Variants in ULBP2 observed in about 807,000 individuals in gnomAD.
ULBP2 encodes the protein UL16 binding protein 2, also known as UL16-binding protein 2.
A neutral mutation model predicts 23.6 loss-of-function variants in ULBP2; 21 were observed. The ratio of observed to expected loss-of-function variants is 0.89; its 90% CI spans 0.63 to 1.28. The LOEUF (loss-of-function observed/expected upper bound fraction) is 1.28, where lower values mean the gene tolerates loss of function less well. Ranked by LOEUF, ULBP2 falls within the 50% of genes most tolerant of loss-of-function variation. ULBP2 has a pLI of 0.00. For missense variants in ULBP2, 251 were observed against 306.0 expected (o/e 0.82, Z 1.34); for synonymous variants, 82 against 112.8 (o/e 0.73, Z 1.73).
Position 149,949,040 on chromosome 6 carries a change from T to A in ULBP2, c.*340T>A, listed in dbSNP as rs1286609975. 1.6e-5 allele frequency: 3 copies of A among 192,948 alleles called. No homozygotes were observed. The highest frequency in any genetic ancestry group is 4.7e-5 in the African/African-American group (2 of 42,170). 12.0% of individuals were successfully genotyped at this position (192,948 alleles called of 1,614,324 possible). ...TTGGAAAATCAAGTACTTCTTTGAA[T>A]GATGATCTCTTTCTTGCAAATGATA... On this transcript the variant is annotated 3_prime_UTR_variant, in exon 5 of 5. Coordinates refer to ENST00000367351, the MANE Select transcript of ULBP2 (RefSeq NM_025217.4).
At chr6:149,945,940 C>CCA (rs1491163493) in intron 2 of ULBP2, among the ~76,000 whole-genome samples, 6 of 72,732 alleles carry the variant, frequency 8.2e-5, no homozygotes, top group Non-Finnish European at 1.5e-4. Context: ...GACTTTGTCT[C>CCA]AAAAAAAAAA....
chr6:149,942,139 T>C lies in ULBP2; in HGVS notation c.67T>C (p.Ser23Pro). The C allele has an allele frequency of 6.2e-7, 1 of 1,609,340 alleles. No homozygotes were observed. Among genetic ancestry groups the C allele is most frequent in the Non-Finnish European group, 8.5e-7 (1 of 1,178,588 alleles). Reference protein sequence around the residue: ...LPLLLLLSGWSRAGRADPHSL... With the variant: ...LPLLLLLSGWPRAGRADPHSL... ...GCTTCTGCTCCTGCTGTCCGGCTGG[T>C]CCCGGGCTGGGCGAGCCGGTGAGTT... Residue 23 changes from serine to proline, a missense_variant, in exon 1 of 5, where the codon TCC becomes CCC. This residue lies in a region of ULBP2 where 248 missense variants were observed against 258.9 expected (regional missense o/e 0.96). Coordinates refer to ENST00000367351, the MANE Select transcript of ULBP2 (RefSeq NM_025217.4).
intron 1 of ULBP2, among the ~76,000 whole-genome samples, chr6:149,944,932 C>G (rs1778911593): frequency 6.8e-6 from 1 of 147,110 alleles, no homozygotes; most frequent in African/African-American, 2.5e-5. Context: ...CCCACACCCT[C>G]TCCCACCTCC....
At position 149,946,446 on chromosome 6, in the gene ULBP2, A is replaced by T. The variant is rs1226038513; in HGVS notation, c.424A>T (p.Ser142Cys). Reference sequence around the variant, plus strand: ...ACACAGCAGTGGATCTTGGCAGTTCAGTTTCGATGGGCAGATCTTCCTCCT... The same window carrying T: ...ACACAGCAGTGGATCTTGGCAGTTCTGTTTCGATGGGCAGATCTTCCTCCT... ...EGHSSGSWQF[S>C]FDGQIFLLFD... Residue 142 changes from serine to cysteine, a missense_variant, in exon 3 of 5, where the codon AGT becomes TGT. Ser to Cys is a moderately radical substitution (Grantham distance 112, BLOSUM62 -1). This residue lies in a region of ULBP2 where 248 missense variants were observed against 258.9 expected (regional missense o/e 0.96). Coordinates refer to ENST00000367351, the MANE Select transcript of ULBP2 (RefSeq NM_025217.4). The T allele has an allele frequency of 5.6e-6, 9 of 1,614,186 alleles. No individual in the cohort carries two copies. Among genetic ancestry groups the T allele is most frequent in the Admixed American group, 1.7e-5 (1 of 60,026 alleles).
intron 1 of ULBP2, 152 bp downstream of exon 1, chr6:149,942,309 T>G: frequency 1.3e-6 from 1 of 779,160 alleles, no homozygotes; most frequent in South Asian, 2.2e-5. Context: ...GGCTCCTTCC[T>G]GCTGGGTGCA....
Position 149,947,365 on chromosome 6 carries a change from C to T in ULBP2, c.677C>T (p.Ala226Val), listed in dbSNP as rs1490911117. ...SSGTTQLRAT[A>V]TTLILCCLLI... ...GGCACAACCCAACTCAGGGCCACAG[C>T]CACCACCCTCATCCTTTGCTGCCTC... Residue 226 changes from alanine (A) to valine (V), a missense_variant, in exon 4 of 5, where the codon GCC becomes GTC. By Grantham distance (64) the Ala-to-Val change is moderately conservative (BLOSUM62 0). This residue lies in a region of ULBP2 where 3 missense variants were observed against 47.0 expected (regional missense o/e 0.06). Coordinates refer to ENST00000367351, the MANE Select transcript of ULBP2 (RefSeq NM_025217.4). 1.3e-6 allele frequency: 2 copies of T among 1,511,850 alleles called. No homozygotes were observed. Among genetic ancestry groups the T allele is most frequent in the African/African-American group, 1.4e-5 (1 of 70,874 alleles). The allele number at this position is 1,511,850 out of a possible 1,614,324, so 93.7% of individuals were successfully genotyped here.
intron 1 of ULBP2, among the ~76,000 whole-genome samples, chr6:149,944,103 T>C (rs2114682507): frequency 1.3e-5 from 2 of 152,024 alleles, no homozygotes; most frequent in Middle Eastern, 3.4e-3. Flanking sequence ...GCTGCAGGGT[T>C]AAAGGGTCCT....
At chr6:149,948,459 C>T (rs574335992) in intron 4 of ULBP2, among the ~76,000 whole-genome samples, 2 of 152,166 alleles carry the variant, frequency 1.3e-5, no homozygotes, top group Admixed American at 6.5e-5. Flanking sequence ...TGAGTGAGGG[C>T]GCGGACCCAT....
At chr6:149,945,810 G>A (rs958748242) in intron 2 of ULBP2, among the ~76,000 whole-genome samples, 11 of 152,068 alleles carry the variant, frequency 7.2e-5, no homozygotes, top group Admixed American at 2.0e-4. Context: ...GCATGGTGGC[G>A]CATGCCTGTA....
At chr6:149,948,586 C>G (rs184932255) in intron 4 of ULBP2, 137 bp from the exon 5 acceptor site, 10 of 438,626 alleles carry the variant, frequency 2.3e-5, no homozygotes, top group Admixed American at 4.9e-5. Flanking sequence ...CTGCAGTCGC[C>G]AGGGTTGAGG....
rs1378623000 is a variant in ULBP2, at chr6:149,948,889, C to A, written c.*189C>A. 5.2e-6 allele frequency: 2 copies of A among 386,892 alleles called. No homozygotes were observed. Among genetic ancestry groups the A allele is most frequent in the Non-Finnish European group, 1.0e-5 (2 of 192,548 alleles). The allele number at this position is 386,892 out of a possible 1,614,324, so 24.0% of individuals were successfully genotyped here. On this transcript the variant is annotated 3_prime_UTR_variant, in exon 5 of 5. Transcript: ENST00000367351. Reference sequence around the variant, plus strand: ...TCACTGCCTTGATTCCTTTTGCCAACAATTTTACCAGCAGTTATACCTAAC... The same window carrying A: ...TCACTGCCTTGATTCCTTTTGCCAAAAATTTTACCAGCAGTTATACCTAAC...
chr6:149,946,712 A>C, intron 3 of ULBP2, 59 bp downstream of exon 3: 1 of 1,600,168 alleles, frequency 6.2e-7, no homozygotes, highest in Non-Finnish European at 8.5e-7. Context: ...GACCTCAAGA[A>C]GTTAGTTCTT....
intron 1 of ULBP2, among the ~76,000 whole-genome samples, chr6:149,944,095 T>G (rs1046020842): frequency 3.3e-5 from 5 of 152,094 alleles, no homozygotes; most frequent in African/African-American, 1.2e-4. Flanking sequence ...CTGTCCTGGC[T>G]GCAGGGTTAA....
Position 149,948,753 on chromosome 6 carries a change from G to C in ULBP2, c.*53G>C. 1 of 456,726 alleles carries C rather than the reference G, an allele frequency of 2.2e-6. No individual in the cohort carries two copies. The highest frequency in any genetic ancestry group is 1.5e-5 in the South Asian group (1 of 64,568). 28.3% of individuals were successfully genotyped at this position (456,726 alleles called of 1,614,324 possible). A position where few individuals can be genotyped will look rare whatever the true frequency, so the allele number is the denominator to read the frequency against. On this transcript the variant is annotated 3_prime_UTR_variant, in exon 5 of 5. Coordinates refer to ENST00000367351, the MANE Select transcript of ULBP2 (RefSeq NM_025217.4). Reference sequence around the variant, plus strand: ...AGCTGATACCAAAAGGCTCCTGTGAGCACGGTCTTGATCAAACTCGCCCTT... The same window carrying C: ...AGCTGATACCAAAAGGCTCCTGTGACCACGGTCTTGATCAAACTCGCCCTT...
chr6:149,946,522 A>G lies in ULBP2; in HGVS notation c.500A>G (p.Lys167Arg), dbSNP rs747998690. The change falls in exon 3 of 5, where the codon AAG (lysine) becomes AGG (arginine). Residue 167 changes from lysine (K) to arginine (R), a missense_variant. Physicochemically the swap from Lys to Arg is conservative, Grantham distance 26. Transcript: ENST00000367351. Reference protein sequence around the residue: ...MWTTVHPGARKMKEKWENDKV... With the variant: ...MWTTVHPGARRMKEKWENDKV... ...ACAACGGTTCATCCTGGAGCCAGAA[A>G]GATGAAAGAAAAGTGGGAGAATGAC... The G allele has an allele frequency of 3.7e-6, 6 of 1,614,058 alleles. No individual in the cohort carries two copies. In the African/African-American group the frequency reaches 8.0e-5, roughly 22 times the overall value.
In ULBP2 at chr6:149,948,742, G is replaced by A. The variant is rs116057345; in HGVS notation, c.*42G>A. 1.6e-3 allele frequency: 738 copies of A among 456,674 alleles called. 4 individuals are homozygous for A. Among genetic ancestry groups the A allele is most frequent in the African/African-American group, 0.014 (681 of 50,158 alleles). The allele number at this position is 456,674 out of a possible 1,614,324, so 28.3% of individuals were successfully genotyped here. ...CTGAAGGTTAAAGCTGATACCAAAA[G>A]GCTCCTGTGAGCACGGTCTTGATCA... On this transcript the variant is annotated 3_prime_UTR_variant, in exon 5 of 5. Transcript: ENST00000367351.
intron 1 of ULBP2, among the ~76,000 whole-genome samples, chr6:149,944,921 A>G (rs1310702880): frequency 1.4e-5 from 2 of 145,250 alleles, no homozygotes; most frequent in Non-Finnish European, 3.0e-5. Context: ...ACAGGGGTGG[A>G]CCCACACCCT....
chr6:149,942,791 C>T (rs2114680738), intron 1 of ULBP2, among the ~76,000 whole-genome samples: 1 of 152,254 alleles, frequency 6.6e-6, no homozygotes, highest in African/African-American at 2.4e-5. Flanking sequence ...TCTCCCCATC[C>T]ATGAAGGGGA....
chr6:149,946,336 T>C (rs751644121), intron 2 of ULBP2, 36 bp from the exon 3 acceptor site: 15 of 1,587,010 alleles, frequency 9.5e-6, no homozygotes, highest in Non-Finnish European at 1.3e-5. Context: ...GCAAAATTTG[T>C]CAAGATCAGA....
Sources: gnomAD v4.1 joint callset for allele counts (sites outside exome capture counted in the v4.1 genomes callset) on GRCh38, gnomAD v4.1.1 for gene constraint, gnomAD v4.1.1 regional missense constraint, MANE v1.5 for transcripts, NCBI Gene and HGNC (gene_info 2026-07-23, HGNC 2026-07-21) for gene names.